The following LCORL variants were observed in gnomAD, a reference collection of about 807,000 sequenced individuals.
LCORL encodes the protein ligand-dependent nuclear receptor corepressor-like protein.
In LCORL, 41 loss-of-function variants were observed where a neutral mutation model predicts 141.8. That is an observed-to-expected ratio of 0.29 (90% confidence interval 0.23 to 0.38). The LOEUF is 0.38. Ranked by LOEUF, LCORL falls within the 10% of genes least tolerant of loss-of-function variation. The pLI is 1.00. For missense variants in LCORL, 1,759 were observed against 2,035.0 expected (o/e 0.86, Z 2.61); for synonymous variants, 618 against 694.1 (o/e 0.89, Z 1.72).
chr4:17,851,281 TAAAA>T (rs201850504), intron 7 of LCORL, among the ~76,000 whole-genome samples: 3 of 148,732 alleles, frequency 2.0e-5, no homozygotes, highest in Admixed American at 2.0e-4. Context: ...AGTATAATAA[TAAAA>T]AAAAAATCAG....
At chr4:17,889,799 C>T (rs546558362) in intron 5 of LCORL, among the ~76,000 whole-genome samples, 28 of 152,124 alleles carry the variant, frequency 1.8e-4, no homozygotes, top group Admixed American at 3.9e-4. Context: ...ATGGTGATTA[C>T]ATCACTCTTT....
At chr4:17,979,626 T>C (rs1717622042) in intron 1 of LCORL, among the ~76,000 whole-genome samples, 1 of 152,250 alleles carries the variant, frequency 6.6e-6, no homozygotes, top group Non-Finnish European at 1.5e-5. Context: ...TTCTGCAGTC[T>C]GATGCGTCTT....
rs1240789608 is a variant in LCORL at position 18,021,829 on chromosome 4, G to GCCCCGGAGCGCGCGCC, written c.-94_-79dup. 2.2e-6 allele frequency: 3 copies of GCCCCGGAGCGCGCGCC among 1,361,358 alleles called. No individual in the cohort carries two copies. Among genetic ancestry groups the GCCCCGGAGCGCGCGCC allele is most frequent in the Non-Finnish European group, 2.9e-6 (3 of 1,051,986 alleles). The allele number at this position is 1,361,358 out of a possible 1,614,324, so 84.3% of individuals were successfully genotyped here. On this transcript the variant is annotated 5_prime_UTR_variant, in exon 1 of 8. Coordinates refer to ENST00000635767, the Ensembl canonical transcript of LCORL. This position sits in a 1 kb window ranked among gnomAD's most constrained non-coding sequence, Gnocchi z 5.5. ...GCAGGGGCGCGAGCCCTCGGCGCGA[G>GCCCCGGAGCGCGCGCC]CCCCGGAGCGCGCGCCCCCCGGAGG...
intron 7 of LCORL, among the ~76,000 whole-genome samples, chr4:17,852,603 T>C (rs1723889259): frequency 6.6e-6 from 1 of 152,112 alleles, no homozygotes; most frequent in Non-Finnish European, 1.5e-5. Flanking sequence ...AGGAAACTAA[T>C]GCAGGTGAGG....
At chr4:18,019,981 A>C (rs1725228311) in intron 1 of LCORL, among the ~76,000 whole-genome samples, 1 of 152,252 alleles carries the variant, frequency 6.6e-6, no homozygotes, top group Non-Finnish European at 1.5e-5. Flanking sequence ...TTCATAAACT[A>C]AAATCACTTA....
intron 1 of LCORL, among the ~76,000 whole-genome samples, chr4:17,982,744 C>T (rs1302845886): frequency 6.6e-6 from 1 of 152,062 alleles, no homozygotes; most frequent in African/African-American, 2.4e-5. Flanking sequence ...TTGACAGTTT[C>T]TTTTGCTGTG....
At position 17,957,286 on chromosome 4, in the gene LCORL, A is replaced by T. The variant is rs530499421; in HGVS notation, c.430+4617T>A. Among the ~76,000 whole-genome samples, 3 of 152,160 alleles carry T rather than the reference A, an allele frequency of 2.0e-5. No homozygotes were observed. The South Asian group carries it at 6.2e-4, about 32-fold the overall frequency. On this transcript the variant is annotated intron_variant, in intron 4 of 7. Transcript: ENST00000635767. ...AAGCAGGGCAGATATAAAGATCTTG[A>T]AAGTTGCCTGCCAGTTGCCTCCTTA...
chr4:17,938,624 G>A (rs1440011010), intron 4 of LCORL, among the ~76,000 whole-genome samples: 4 of 151,464 alleles, frequency 2.6e-5, no homozygotes, highest in Admixed American at 1.3e-4. Flanking sequence ...CCATGTTGAG[G>A]CTGGCCTTGA....
intron 1 of LCORL, among the ~76,000 whole-genome samples, chr4:18,007,054 T>C (rs1722937638): frequency 1.3e-5 from 2 of 152,198 alleles, no homozygotes; most frequent in Admixed American, 6.5e-5. Context: ...CTGTTTCCAC[T>C]ACTACCCTCA....
chr4:17,936,258 T>C (rs1160318574), intron 4 of LCORL, among the ~76,000 whole-genome samples: 3 of 152,016 alleles, frequency 2.0e-5, no homozygotes, highest in Admixed American at 1.3e-4. Context: ...TTAAGGCTTT[T>C]TGAAATGTTA....
At chr4:17,961,963 T>C in exon 4 of LCORL, 1 of 1,610,456 alleles carries the variant, frequency 6.2e-7, no homozygotes, top group Non-Finnish European at 8.5e-7. Context: ...TTATCAGTGT[T>C]GGACTGGCCC....
At chr4:17,854,556 G>A (rs1000317143) in intron 7 of LCORL, among the ~76,000 whole-genome samples, 4 of 151,906 alleles carry the variant, frequency 2.6e-5, no homozygotes, top group Non-Finnish European at 5.9e-5. Flanking sequence ...TGAGTCCCTG[G>A]GCTTAAGGGA....
intron 2 of LCORL, among the ~76,000 whole-genome samples, chr4:17,964,700 C>T (rs1714516045): frequency 6.6e-6 from 1 of 152,120 alleles, no homozygotes; most frequent in African/African-American, 2.4e-5. Context: ...GGACCTCACG[C>T]TCATGTGAAG....
chr4:17,846,614 G>A lies in LCORL; in HGVS notation c.5603-713C>T, dbSNP rs115769301. Among the ~76,000 whole-genome samples, 1,238 of 152,226 alleles carry A rather than the reference G, an allele frequency of 8.1e-3. 25 individuals are homozygous for A. The highest frequency in any genetic ancestry group is 0.028 in the African/African-American group (1,178 of 41,538). On this transcript the variant is annotated intron_variant, in intron 7 of 7. Coordinates refer to ENST00000635767, the Ensembl canonical transcript of LCORL. ...ATTTCCAAGAATTTTTTACATTGAT[G>A]GGAAAGTTGGCTTATTTGGCTTTAC...
At chr4:17,975,557 C>G (rs931221275) in intron 1 of LCORL, among the ~76,000 whole-genome samples, 1 of 151,946 alleles carries the variant, frequency 6.6e-6, no homozygotes, top group Non-Finnish European at 1.5e-5. Flanking sequence ...CCATCACGCC[C>G]GGCTATTTTT....
intron 5 of LCORL, among the ~76,000 whole-genome samples, chr4:17,890,331 T>C (rs1021353637): frequency 1.3e-5 from 2 of 152,098 alleles, no homozygotes; most frequent in Non-Finnish European, 2.9e-5. Flanking sequence ...ATGCCATTTA[T>C]GTGAATATTT....
intron 4 of LCORL, among the ~76,000 whole-genome samples, chr4:17,942,860 A>G (rs2109488294): frequency 6.9e-6 from 1 of 145,958 alleles, no homozygotes; most frequent in East Asian, 2.0e-4. Context: ...GCAGCCAGCA[A>G]GTGAGCATTA....
chr4:17,893,229 A>T (rs1729382025), intron 5 of LCORL: 1 of 315,092 alleles, frequency 3.2e-6, no homozygotes, highest in Admixed American at 6.5e-5. Context: ...AGCATTATAC[A>T]TTCTTTTAGA....
intron 4 of LCORL, among the ~76,000 whole-genome samples, chr4:17,950,865 A>G (rs947911389): frequency 6.6e-6 from 1 of 152,208 alleles, no homozygotes; most frequent in African/African-American, 2.4e-5. Context: ...TCATGACAGG[A>G]GAAGACTCAC....
Sources: allele counts gnomAD v4.1 joint callset (sites outside exome capture counted in the v4.1 genomes callset), GRCh38; gene constraint gnomAD v4.1.1; non-coding constraint Gnocchi (gnomAD v3.1); transcripts MANE v1.5; gene names NCBI Gene and HGNC (gene_info 2026-07-23, HGNC 2026-07-21).